The following RNF217 variants were observed in gnomAD, a reference collection of about 807,000 sequenced individuals.
RNF217 encodes E3 ubiquitin-protein ligase RNF217.
In RNF217, 31 loss-of-function variants were observed where a neutral mutation model predicts 57.8. That is an observed-to-expected ratio of 0.54 (90% CI 0.40 to 0.72). The LOEUF (loss-of-function observed/expected upper bound fraction) is 0.72, where lower values mean the gene tolerates loss of function less well. Among genes scored for constraint, RNF217 ranks in the 30% least tolerant of loss-of-function variants. The probability of loss-of-function intolerance (pLI) is 0.00; values close to 1 mark genes in which losing one functional copy is unlikely to be tolerated. For synonymous variants in RNF217, 313 were observed against 294.0 expected, an observed-to-expected ratio of 1.06 and a Z score of -0.66; for missense variants, 696 against 708.3, an observed-to-expected ratio of 0.98 and a Z score of 0.20.
intron 1 of RNF217, among the ~76,000 whole-genome samples, chr6:124,974,521 G>A (rs893752538): frequency 6.6e-6 from 1 of 152,062 alleles, no homozygotes; most frequent in Non-Finnish European, 1.5e-5. Flanking sequence ...AATACGTCAA[G>A]GTGTCAGGGT....
rs572640418 is a variant in RNF217, at chr6:124,978,808, G to A, written c.882+15382G>A. On this transcript the variant is annotated intron_variant, in intron 1 of 5. Coordinates refer to ENST00000521654, the MANE Select transcript of RNF217 (RefSeq NM_001286398.3). ...CCCCTGACCAAGAGGAATAAGGTAC[G>A]TGGACACATGGACACCAGAGAGTGA... Among the ~76,000 whole-genome samples the A allele has an allele frequency of 1.4e-3, 217 of 152,250 alleles. 1 individual carries two copies. Among genetic ancestry groups the A allele is most frequent in the African/African-American group, 4.9e-3 (205 of 41,536 alleles).
chr6:125,070,394 T>G (rs1275568357), intron 3 of RNF217, among the ~76,000 whole-genome samples: 6 of 152,238 alleles, frequency 3.9e-5, no homozygotes, highest in Non-Finnish European at 7.3e-5. Context: ...CTGGATCAAA[T>G]GATAGCTTTA....
chr6:125,016,897 G>A (rs778859785), intron 1 of RNF217, among the ~76,000 whole-genome samples: 8 of 152,100 alleles, frequency 5.3e-5, no homozygotes, highest in Non-Finnish European at 7.4e-5. Context: ...AATCCTGCAC[G>A]TTCTGCACAT....
At position 125,017,602 on chromosome 6, in the gene RNF217, A is replaced by C. The variant is rs185507752; in HGVS notation, c.883-27609A>C. Reference sequence around the variant, plus strand: ...ATGAGAAGTGTTCACATTTCTCTGCACTTGATACTAGGATTATCTGTTCTA... The same window carrying C: ...ATGAGAAGTGTTCACATTTCTCTGCCCTTGATACTAGGATTATCTGTTCTA... On this transcript the variant is annotated intron_variant, in intron 1 of 5. Transcript: ENST00000521654. 2.1e-4 allele frequency among the ~76,000 whole-genome samples: 32 copies of C among 152,328 alleles called. No individual in the cohort carries two copies. The East Asian group carries it at 5.0e-3, about 24-fold the overall frequency.
intron 2 of RNF217, among the ~76,000 whole-genome samples, chr6:125,046,103 T>C (rs569497714): frequency 6.6e-6 from 1 of 152,170 alleles, no homozygotes; most frequent in South Asian, 2.1e-4. Context: ...GGAGGTGCAG[T>C]TCTCCAGACA....
chr6:125,027,521 T>G (rs545639630), intron 1 of RNF217, among the ~76,000 whole-genome samples: 1 of 152,240 alleles, frequency 6.6e-6, no homozygotes, highest in Admixed American at 6.5e-5. Flanking sequence ...TACTCCATTG[T>G]GTATATGTAC....
intron 1 of RNF217, among the ~76,000 whole-genome samples, chr6:125,002,746 A>G (rs551427994): frequency 1.3e-5 from 2 of 152,148 alleles, no homozygotes; most frequent in South Asian, 4.1e-4. Context: ...CATATCCCTT[A>G]TATGGAAACT....
At position 125,086,095 on chromosome 6, in the gene RNF217, A is replaced by T. The variant is rs1415683641; in HGVS notation, c.*3158A>T. The T allele has an allele frequency of 6.6e-6, 1 of 151,988 alleles. No homozygotes were observed. Among genetic ancestry groups the T allele is most frequent in the Non-Finnish European group, 1.5e-5 (1 of 67,918 alleles). 9.4% of individuals were successfully genotyped at this position (151,988 alleles called of 1,614,324 possible). A position where few individuals can be genotyped will look rare whatever the true frequency, so the allele number is the denominator to read the frequency against. On this transcript the variant is annotated 3_prime_UTR_variant, in exon 6 of 6. Coordinates refer to ENST00000521654, the MANE Select transcript of RNF217 (RefSeq NM_001286398.3). ...GTCACCTTGCATGAACATATCCATAAGGTTGTACATTTGTTTTTTACAAGA... is the reference window on the plus strand; with the variant it reads ...GTCACCTTGCATGAACATATCCATATGGTTGTACATTTGTTTTTTACAAGA...
At chr6:125,045,526 G>A in intron 2 of RNF217, 82 bp downstream of exon 2, 1 of 980,120 alleles carries the variant, frequency 1.0e-6, no homozygotes, top group Non-Finnish European at 1.5e-6. Context: ...TGGGCATTAA[G>A]GGGGCATCTT....
At position 125,042,477 on chromosome 6, in the gene RNF217, C is replaced by T. The variant is rs530848887; in HGVS notation, c.883-2734C>T. On this transcript the variant is annotated intron_variant, in intron 1 of 5. Coordinates refer to ENST00000521654, the MANE Select transcript of RNF217 (RefSeq NM_001286398.3). Reference sequence around the variant, plus strand: ...CTATGTGTTCAATAAAATATGAGGTCTTTGGTTCAGTGTAGTAGGATAGGG... The same window carrying T: ...CTATGTGTTCAATAAAATATGAGGTTTTTGGTTCAGTGTAGTAGGATAGGG... Among the ~76,000 whole-genome samples, 23 of 152,028 alleles carry T rather than the reference C, an allele frequency of 1.5e-4. 1 individual carries two copies. Among genetic ancestry groups the T allele is most frequent in the African/African-American group, 5.5e-4 (23 of 41,498 alleles).
At chr6:124,964,101 T>C (rs559331838) in intron 1 of RNF217, among the ~76,000 whole-genome samples, 3 of 152,358 alleles carry the variant, frequency 2.0e-5, no homozygotes, top group Non-Finnish European at 4.4e-5. Flanking sequence ...TCCTCTGCTT[T>C]TATTTGAAAA....
At chr6:125,060,298 C>G (rs1787681051) in intron 3 of RNF217, among the ~76,000 whole-genome samples, 1 of 151,732 alleles carries the variant, frequency 6.6e-6, no homozygotes, top group Admixed American at 6.6e-5. Flanking sequence ...CATATAAATG[C>G]TTTCAATCAT....
intron 1 of RNF217, among the ~76,000 whole-genome samples, chr6:124,971,825 C>T (rs1409521009): frequency 6.6e-6 from 1 of 152,206 alleles, no homozygotes; most frequent in Non-Finnish European, 1.5e-5. Flanking sequence ...TTCCTTTTGT[C>T]AGAACTTTCT....
chr6:125,047,070 TG>T (rs1787124227), intron 2 of RNF217, among the ~76,000 whole-genome samples: 1 of 152,064 alleles, frequency 6.6e-6, no homozygotes. Flanking sequence ...TCATTGCAAT[TG>T]TATGTTATTG....
intron 1 of RNF217, among the ~76,000 whole-genome samples, chr6:125,040,415 C>A (rs929869898): frequency 3.9e-5 from 6 of 152,228 alleles, no homozygotes; most frequent in African/African-American, 1.4e-4. Context: ...CCTGAATAGA[C>A]CAATAACAAG....
chr6:125,053,050 T>C (rs1429747188), intron 2 of RNF217, among the ~76,000 whole-genome samples: 2 of 152,098 alleles, frequency 1.3e-5, no homozygotes, highest in East Asian at 3.9e-4. Flanking sequence ...CTCTTGGGCC[T>C]CTGTGTGGTG....
intron 1 of RNF217, among the ~76,000 whole-genome samples, 164 bp downstream of exon 1, chr6:124,963,590 C>T (rs1228178685): frequency 1.3e-5 from 2 of 152,216 alleles, no homozygotes; most frequent in African/African-American, 4.8e-5. Flanking sequence ...TGTATTATGA[C>T]CTCACTGGTT....
chr6:125,070,931 C>G (rs938546604), intron 3 of RNF217, among the ~76,000 whole-genome samples: 2 of 152,102 alleles, frequency 1.3e-5, no homozygotes, highest in Non-Finnish European at 2.9e-5. Flanking sequence ...CTTGGTGAAA[C>G]TGGAGACAAA....
intron 2 of RNF217, among the ~76,000 whole-genome samples, chr6:125,050,743 A>G (rs959336879): frequency 4.0e-5 from 6 of 151,282 alleles, no homozygotes; most frequent in African/African-American, 2.4e-5. Context: ...TTAAGTTGAC[A>G]GTGTTTACAA....
Sources: gnomAD v4.1 joint callset for allele counts (sites outside exome capture counted in the v4.1 genomes callset) on GRCh38, gnomAD v4.1.1 for gene constraint, MANE v1.5 for transcripts, NCBI Gene and HGNC (gene_info 2026-07-23, HGNC 2026-07-21) for gene names.